HTR2C: variants seen among roughly 807,000 people sequenced by gnomAD.
The protein encoded by HTR2C is 5-hydroxytryptamine receptor 2C.
In HTR2C, 5 loss-of-function variants were observed where a neutral mutation model predicts 21.0. The observed-to-expected ratio is 0.24, with a 90% CI of 0.12 to 0.50. The LOEUF (loss-of-function observed/expected upper bound fraction) is 0.50, where lower values mean the gene tolerates loss of function less well. Ranked by LOEUF, HTR2C falls within the 20% of genes least tolerant of loss-of-function variation. The pLI is 0.98. For synonymous variants in HTR2C, 150 were observed against 145.3 expected, an observed-to-expected ratio of 1.03 and a Z score of -0.23; for missense variants, 271 against 371.2, an observed-to-expected ratio of 0.73 and a Z score of 2.22.
At chrX:114,715,145 T>A (rs1267956985) in intron 2 of HTR2C, 1 of 251,576 alleles carries the variant, frequency 4.0e-6, no homozygotes, top group African/African-American at 2.9e-5. Flanking sequence ...AACCAGAAAC[T>A]GACCCTTCAA....
intron 2 of HTR2C, among the ~76,000 whole-genome samples, chrX:114,648,077 A>T (rs782691782): frequency 8.9e-6 from 1 of 112,219 alleles, no homozygotes; most frequent in South Asian, 3.7e-4. Flanking sequence ...TTTTATTTTT[A>T]GTGCTAGGTT....
In HTR2C at chrX:114,731,372, C is replaced by A; in HGVS notation, c.114C>A (p.Phe38Leu). 4.1e-6 allele frequency: 5 copies of A among 1,205,731 alleles called. No homozygotes were observed. Among genetic ancestry groups the A allele is most frequent in the Non-Finnish European group, 5.6e-6 (5 of 891,006 alleles). The stretch of plus-strand genomic sequence containing the variant: ...TAGCAGCTATAGTAACTGACATTTT[C>A]AATACCTCCGATGGTGGACGCTTCA... ...SPVAAIVTDI[F>L]NTSDGGRFKF... The change falls in exon 4 of 6, where the codon TTC becomes TTA. Residue 38 changes from phenylalanine to leucine, a missense_variant. Phe to Leu is a conservative substitution (Grantham distance 22). Transcript: ENST00000276198.
intron 5 of HTR2C, among the ~76,000 whole-genome samples, chrX:114,870,090 A>ATT (rs781889134): frequency 0.019 from 446 of 22,879 alleles, 3 homozygotes; most frequent in East Asian, 0.078. Flanking sequence ...ATTTATTATT[A>ATT]TTATTATTTT....
At chrX:114,676,230 A>C (rs1156231156) in intron 2 of HTR2C, among the ~76,000 whole-genome samples, 1 of 111,630 alleles carries the variant, frequency 9.0e-6, no homozygotes, top group African/African-American at 3.3e-5. Flanking sequence ...CCTGAAAATC[A>C]TCTGCCTGCA....
rs1807776987 is a variant in HTR2C at position 114,856,310 on chromosome X, G to A, written c.550+8107G>A. ...AGGAGAACTACAAACCACTGCTCAA[G>A]GAAATAAAAGAGGATACAAACAAAT... On this transcript the variant is annotated intron_variant, in intron 5 of 5. Coordinates refer to ENST00000276198, the MANE Select transcript of HTR2C (RefSeq NM_000868.4). Among the ~76,000 whole-genome samples the A allele has an allele frequency of 3.1e-5, 3 of 97,907 alleles. No individual in the cohort carries two copies. The South Asian group carries it at 1.6e-3, about 51-fold the overall frequency. The allele number at this position is 97,907 out of a possible 115,157, so 85.0% of individuals were successfully genotyped here.
At chrX:114,806,053 T>TACCATTTATAC (rs2070423607) in intron 4 of HTR2C, among the ~76,000 whole-genome samples, 1 of 36,903 alleles carries the variant, frequency 2.7e-5, no homozygotes, top group African/African-American at 7.4e-5. Context: ...ACCATATGCA[T>TACCATTTATAC]ACCATATATA....
At chrX:114,634,459 C>T (rs1449045206) in intron 2 of HTR2C, among the ~76,000 whole-genome samples, 1 of 111,758 alleles carries the variant, frequency 8.9e-6, no homozygotes, top group Non-Finnish European at 1.9e-5. Flanking sequence ...TAGAATTCTG[C>T]AACTTATCAT....
intron 2 of HTR2C, among the ~76,000 whole-genome samples, chrX:114,673,812 T>A (rs1018455933): frequency 8.9e-6 from 1 of 111,848 alleles, no homozygotes; most frequent in Non-Finnish European, 1.9e-5. Flanking sequence ...TGCAATTAAG[T>A]GATATTTTAA....
chrX:114,660,579 A>G (rs1417998987), intron 2 of HTR2C, among the ~76,000 whole-genome samples: 1 of 112,454 alleles, frequency 8.9e-6, no homozygotes, highest in African/African-American at 3.2e-5. Context: ...TGACTTTCCA[A>G]TCCATATTTT....
chrX:114,777,337 A>G (rs1556438890), intron 4 of HTR2C, among the ~76,000 whole-genome samples: 1 of 111,927 alleles, frequency 8.9e-6, no homozygotes, highest in African/African-American at 3.2e-5. Context: ...ACCAAATATT[A>G]TTGAATGCCC....
intron 2 of HTR2C, among the ~76,000 whole-genome samples, chrX:114,695,776 A>G (rs868971386): frequency 4.5e-5 from 5 of 111,915 alleles, no homozygotes; most frequent in Admixed American, 9.5e-5. Flanking sequence ...CACTCAGTTA[A>G]TTGAACAATA....
rs148369466 is a variant in HTR2C at position 114,684,638 on chromosome X, T to C, written c.-79-42220T>C. Among the ~76,000 whole-genome samples the C allele has an allele frequency of 6.2e-3, 687 of 111,414 alleles. 1 individual carries two copies. The highest frequency in any genetic ancestry group is 0.015 in the Middle Eastern group (3 of 206). On this transcript the variant is annotated intron_variant, in intron 2 of 5. Transcript: ENST00000276198. The stretch of plus-strand genomic sequence containing the variant: ...AATAGGCAGATAATTTCTACTTTTA[T>C]GAGACTCTTTACAAACACTCTAAGA...
chrX:114,609,218 A>G (rs782029079), intron 1 of HTR2C, among the ~76,000 whole-genome samples: 27 of 111,119 alleles, frequency 2.4e-4, no homozygotes, highest in African/African-American at 7.8e-4. Context: ...TGATTTTTTT[A>G]TTAGTATTTA....
At chrX:114,901,640 A>G (rs2147536643) in intron 5 of HTR2C, among the ~76,000 whole-genome samples, 1 of 112,028 alleles carries the variant, frequency 8.9e-6, no homozygotes, top group Non-Finnish European at 1.9e-5. Flanking sequence ...AGTTTAAGTA[A>G]CCTTAATAAA....
At chrX:114,614,999 G>A (rs1928897257) in intron 2 of HTR2C, among the ~76,000 whole-genome samples, 1 of 111,790 alleles carries the variant, frequency 8.9e-6, no homozygotes, top group Admixed American at 9.6e-5. Context: ...CGATGGTATA[G>A]ACTAAATCAT....
intron 4 of HTR2C, among the ~76,000 whole-genome samples, chrX:114,746,331 A>G (rs2069703662): frequency 9.0e-6 from 1 of 111,687 alleles, no homozygotes; most frequent in African/African-American, 3.3e-5. Flanking sequence ...TTAGGGATCA[A>G]TTGCTTCATT....
At chrX:114,644,459 A>T (rs940376610) in intron 2 of HTR2C, among the ~76,000 whole-genome samples, 1 of 92,568 alleles carries the variant, frequency 1.1e-5, no homozygotes, top group Non-Finnish European at 2.1e-5. Flanking sequence ...TTGTAAGTGC[A>T]TGGGAAATTA....
chrX:114,736,970 G>A (rs1473687042), intron 4 of HTR2C, among the ~76,000 whole-genome samples: 1 of 110,436 alleles, frequency 9.1e-6, no homozygotes, highest in Non-Finnish European at 1.9e-5. Context: ...AAAATCTATA[G>A]GATACACATA....
At chrX:114,789,519 G>C (rs2070210327) in intron 4 of HTR2C, among the ~76,000 whole-genome samples, 1 of 110,480 alleles carries the variant, frequency 9.1e-6, no homozygotes, top group Admixed American at 9.7e-5. Flanking sequence ...GCCTTTCTCA[G>C]AAAGAAAGAA....
Sources: allele counts gnomAD v4.1 joint callset (sites outside exome capture counted in the v4.1 genomes callset), GRCh38; gene constraint gnomAD v4.1.1; transcripts MANE v1.5; gene names NCBI Gene and HGNC (gene_info 2026-07-23, HGNC 2026-07-21).